The following DCUN1D4 variants were observed in gnomAD, a reference collection of about 807,000 sequenced individuals.
DCUN1D4 encodes the protein DCN1-like protein 4.
In DCUN1D4, 22 loss-of-function variants were observed where a neutral mutation model predicts 47.9. The ratio of observed to expected loss-of-function variants is 0.46; its 90% CI spans 0.33 to 0.66. The LOEUF (loss-of-function observed/expected upper bound fraction) is 0.66. Among genes scored for constraint, DCUN1D4 ranks in the 30% least tolerant of loss-of-function variants. The pLI is 0.02. For synonymous variants in DCUN1D4, 121 were observed against 112.2 expected (o/e 1.08, Z -0.50); for missense variants, 301 against 340.8 (o/e 0.88, Z 0.92).
chr4:51,851,022 C>T (rs921627788), intron 1 of DCUN1D4, among the ~76,000 whole-genome samples: 3 of 152,166 alleles, frequency 2.0e-5, no homozygotes, highest in African/African-American at 7.2e-5. Context: ...AGATGAAACA[C>T]GTAAAGTGTT....
At chr4:51,850,090 T>C (rs1723149236) in intron 1 of DCUN1D4, among the ~76,000 whole-genome samples, 1 of 152,140 alleles carries the variant, frequency 6.6e-6, no homozygotes, top group South Asian at 2.1e-4. Flanking sequence ...CTACCACAAT[T>C]GTTGGCTTTT....
chr4:51,910,443 T>A (rs921251697), intron 8 of DCUN1D4, among the ~76,000 whole-genome samples: 4 of 152,194 alleles, frequency 2.6e-5, no homozygotes, highest in East Asian at 3.9e-4. Flanking sequence ...GAAATCTATC[T>A]ATCTATCTGT....
At chr4:51,886,059 C>T (rs1409861653) in intron 5 of DCUN1D4, among the ~76,000 whole-genome samples, 2 of 152,190 alleles carry the variant, frequency 1.3e-5, no homozygotes, top group South Asian at 2.1e-4. Context: ...AATGTGTGGA[C>T]GCTTCCTTCA....
chr4:51,878,687 G>A (rs2110001756), intron 5 of DCUN1D4, among the ~76,000 whole-genome samples: 1 of 152,326 alleles, frequency 6.6e-6, no homozygotes, highest in South Asian at 2.1e-4. Flanking sequence ...ATAAAAGAGA[G>A]TGAACTCCCC....
At chr4:51,904,614 A>G (rs111390565) in intron 8 of DCUN1D4, among the ~76,000 whole-genome samples, 2 of 152,150 alleles carry the variant, frequency 1.3e-5, no homozygotes, top group African/African-American at 4.8e-5. Context: ...GCTGGTATCA[A>G]CCTGAGGCTT....
rs376658148 is a variant in DCUN1D4 at position 51,895,458 on chromosome 4, A to G, written c.506+3607A>G. Among the ~76,000 whole-genome samples the G allele has an allele frequency of 1.0e-4, 15 of 149,100 alleles. No individual in the cohort carries two copies. The East Asian group carries it at 2.5e-3, about 24-fold the overall frequency. ...GTTTGGACTTAGGCCGGCAGCTGGT[A>G]GGGAACATCTATCCTTGCACTCCTG... is the stretch of plus-strand genomic sequence containing the variant. On this transcript the variant is annotated intron_variant, in intron 7 of 10. Transcript: ENST00000334635.
Position 51,891,753 on chromosome 4 carries a change from T to C in DCUN1D4, c.415-7T>C, listed in dbSNP as rs1322861808. 1.9e-6 allele frequency: 3 copies of C among 1,599,024 alleles called. No individual in the cohort carries two copies. The highest frequency in any genetic ancestry group is 1.4e-5 in the African/African-American group (1 of 73,996). Reference sequence around the variant, plus strand: ...TTTTTTTTTAATTGTGTATTTTTTTTTAACAGGTAGTTATGCTTGTCCTAG... The same window carrying C: ...TTTTTTTTTAATTGTGTATTTTTTTCTAACAGGTAGTTATGCTTGTCCTAG... On this transcript the variant is annotated splice_region_variant and splice_polypyrimidine_tract_variant and intron_variant, in intron 6 of 10. Coordinates refer to ENST00000334635, the MANE Select transcript of DCUN1D4 (RefSeq NM_001040402.3).
chr4:51,866,638 A>T (rs181805231), intron 3 of DCUN1D4, among the ~76,000 whole-genome samples: 84 of 152,266 alleles, frequency 5.5e-4, no homozygotes, highest in Non-Finnish European at 2.5e-4. Flanking sequence ...TAATGCAGGA[A>T]TATAACTTTT....
At position 51,845,198 on chromosome 4, in the gene DCUN1D4, A is replaced by G. The variant is rs945406087; in HGVS notation, c.25+1931A>G. 5.1e-6 allele frequency: 5 copies of G among 985,360 alleles called. No homozygotes were observed. The African/African-American group carries it at 8.7e-5, about 17-fold the overall frequency. 61.0% of individuals were successfully genotyped at this position (985,360 alleles called of 1,614,324 possible). A position where few individuals can be genotyped will look rare whatever the true frequency, so the allele number is the denominator to read the frequency against. On this transcript the variant is annotated intron_variant, in intron 1 of 10. Transcript: ENST00000334635. ...ATTTTGGCATCCAGTGTGTGTAAGC[A>G]CTGGGTTCCAGCATTCCCTTGCATA...
At chr4:51,846,371 T>G (rs185402785) in intron 1 of DCUN1D4, among the ~76,000 whole-genome samples, 28 of 152,358 alleles carry the variant, frequency 1.8e-4, no homozygotes, top group African/African-American at 6.5e-4. Flanking sequence ...AAAGAAGGCC[T>G]GCCTCATTTT....
chr4:51,894,260 T>TAAG (rs1730889799), intron 7 of DCUN1D4, among the ~76,000 whole-genome samples: 1 of 152,162 alleles, frequency 6.6e-6, no homozygotes, highest in South Asian at 2.1e-4. Context: ...GAATAACTTT[T>TAAG]AAGGTTCTTT....
chr4:51,869,458 C>T (rs1726529900), intron 3 of DCUN1D4, among the ~76,000 whole-genome samples: 1 of 152,084 alleles, frequency 6.6e-6, no homozygotes, highest in Non-Finnish European at 1.5e-5. Flanking sequence ...GGCTGTGATA[C>T]AATCAGCTCA....
the DCUN1D4 span, among the ~76,000 whole-genome samples, chr4:51,837,342 G>T: frequency 2.6e-5 from 4 of 152,182 alleles, no homozygotes; most frequent in African/African-American, 9.7e-5. Flanking sequence ...TTAGCAAAAA[G>T]ACTTGCTAAT....
At chr4:51,870,355 A>G (rs1726688569) in intron 3 of DCUN1D4, among the ~76,000 whole-genome samples, 1 of 152,196 alleles carries the variant, frequency 6.6e-6, no homozygotes, top group South Asian at 2.1e-4. Context: ...TTATTTTAAG[A>G]AGCAAGCATT....
intron 7 of DCUN1D4, among the ~76,000 whole-genome samples, chr4:51,897,451 T>C (rs1731439969): frequency 6.6e-6 from 1 of 152,168 alleles, no homozygotes; most frequent in Non-Finnish European, 1.5e-5. Context: ...TATCTGTACT[T>C]AGTAGGTTAA....
At chr4:51,860,403 G>A (rs1022768532) in intron 1 of DCUN1D4, 2 of 313,618 alleles carry the variant, frequency 6.4e-6, no homozygotes, top group African/African-American at 4.4e-5. Context: ...CCTGTGTGTT[G>A]TGATTATCTG....
chr4:51,836,423 G>A, the DCUN1D4 span, among the ~76,000 whole-genome samples: 2 of 152,280 alleles, frequency 1.3e-5, no homozygotes, highest in African/African-American at 2.4e-5. Flanking sequence ...GTTTGTGTGC[G>A]TGCCTGCAGA....
At chr4:51,895,259 G>T (rs564695240) in intron 7 of DCUN1D4, among the ~76,000 whole-genome samples, 1 of 152,048 alleles carries the variant, frequency 6.6e-6, no homozygotes, top group South Asian at 2.1e-4. Context: ...AAGCCCATCG[G>T]CTGTGAAACC....
chr4:51,844,536 G>C, intron 1 of DCUN1D4: 1 of 368,424 alleles, frequency 2.7e-6, no homozygotes, highest in Non-Finnish European at 3.8e-6. Flanking sequence ...GAGGTGTCGG[G>C]GTCCCTGGCA....
Sources: gnomAD v4.1 joint callset for allele counts (sites outside exome capture counted in the v4.1 genomes callset) on GRCh38, gnomAD v4.1.1 for gene constraint, MANE v1.5 for transcripts, NCBI Gene and HGNC (gene_info 2026-07-23, HGNC 2026-07-21) for gene names.